Variants in CTIF observed in about 807,000 individuals in gnomAD.
CTIF encodes cap binding complex dependent translation initiation factor, also known as CBP80/20-dependent translation initiation factor.
In CTIF, 21 loss-of-function variants were observed where a neutral mutation model predicts 66.0. That is an observed-to-expected ratio of 0.32 (90% confidence interval 0.23 to 0.46). CTIF has a LOEUF of 0.46. CTIF is among the 20% of genes least tolerant of loss of function. CTIF has a pLI of 1.00. For synonymous variants in CTIF, 345 were observed against 326.4 expected, an observed-to-expected ratio of 1.06 and a Z score of -0.62; for missense variants, 739 against 812.7, an observed-to-expected ratio of 0.91 and a Z score of 1.10.
intron 6 of CTIF, among the ~76,000 whole-genome samples, chr18:48,684,123 A>T (rs577263853): frequency 3.3e-5 from 5 of 152,196 alleles, no homozygotes. Flanking sequence ...TGATTAGATC[A>T]TTCATCTCCA....
At chr18:48,854,311 G>T (rs1375353015) in intron 10 of CTIF, among the ~76,000 whole-genome samples, 2 of 152,180 alleles carry the variant, frequency 1.3e-5, no homozygotes, top group African/African-American at 4.8e-5. Flanking sequence ...TTAAAGGATG[G>T]AGAGAGGATG....
intron 1 of CTIF, among the ~76,000 whole-genome samples, chr18:48,550,738 C>T (rs890092940): frequency 6.6e-6 from 1 of 152,184 alleles, no homozygotes; most frequent in African/African-American, 2.4e-5. Flanking sequence ...ATCATGAGCA[C>T]CTTGCTACTG....
intron 1 of CTIF, among the ~76,000 whole-genome samples, chr18:48,570,734 A>G (rs1374002307): frequency 6.6e-6 from 1 of 152,168 alleles, no homozygotes; most frequent in Non-Finnish European, 1.5e-5. Context: ...GGAACTTTAT[A>G]TGCAGAGGCC....
chr18:48,575,368 G>A lies in CTIF; in HGVS notation c.-29+36056G>A, dbSNP rs542043262. ...TTCAACCCACTGGGATCCAGACCCCGTGCCTTTTTCCCACAAAGCTGGCCA... is the reference window on the plus strand; with the variant it reads ...TTCAACCCACTGGGATCCAGACCCCATGCCTTTTTCCCACAAAGCTGGCCA... On this transcript the variant is annotated intron_variant, in intron 1 of 11. Coordinates refer to ENST00000256413, the MANE Select transcript of CTIF (RefSeq NM_014772.3). Among the ~76,000 whole-genome samples, 19 of 152,312 alleles carry A rather than the reference G, an allele frequency of 1.2e-4. No individual in the cohort carries two copies. In the South Asian group the frequency reaches 2.9e-3, roughly 23 times the overall value.
intron 9 of CTIF, among the ~76,000 whole-genome samples, chr18:48,763,233 T>A (rs1453015445): frequency 6.6e-6 from 1 of 152,220 alleles, no homozygotes; most frequent in Non-Finnish European, 1.5e-5. Flanking sequence ...TAGACAGTGG[T>A]TGCCAGCTCC....
chr18:48,758,537 G>T, intron 8 of CTIF, 132 bp downstream of exon 8: 4 of 1,175,484 alleles, frequency 3.4e-6, no homozygotes, highest in Non-Finnish European at 4.8e-6. Flanking sequence ...GGGAAGCAGG[G>T]GCTTCGGTCA....
Position 48,623,442 on chromosome 18 carries a change from A to G in CTIF, c.180+3697A>G, listed in dbSNP as rs35016942. On this transcript the variant is annotated intron_variant, in intron 2 of 11. Coordinates refer to ENST00000256413, the MANE Select transcript of CTIF (RefSeq NM_014772.3). ...GGGACGGCTGTGGCCCACTCTCAGG[A>G]AGGCCAGGGTTAGCTGTGTCTACAT... Among the ~76,000 whole-genome samples the G allele has an allele frequency of 5.1e-3, 782 of 152,244 alleles. 6 individuals carry two copies. Among genetic ancestry groups the G allele is most frequent in the South Asian group, 0.028 (135 of 4,822 alleles).
At chr18:48,560,723 A>G (rs1010454075) in intron 1 of CTIF, among the ~76,000 whole-genome samples, 2 of 151,586 alleles carry the variant, frequency 1.3e-5, no homozygotes, top group African/African-American at 4.9e-5. Context: ...GGCTCACACC[A>G]CTGTACCCCA....
chr18:48,656,785 C>A (rs1177095587), intron 3 of CTIF, among the ~76,000 whole-genome samples: 3 of 152,180 alleles, frequency 2.0e-5, no homozygotes, highest in African/African-American at 7.2e-5. Context: ...CTTCTCAGAA[C>A]CTTGGCATTT....
At chr18:48,794,485 G>T (rs898350795) in intron 9 of CTIF, among the ~76,000 whole-genome samples, 2 of 152,188 alleles carry the variant, frequency 1.3e-5, no homozygotes, top group Non-Finnish European at 2.9e-5. Context: ...CGGGGGAGGG[G>T]TTGCTGGGCT....
intron 1 of CTIF, among the ~76,000 whole-genome samples, chr18:48,557,995 T>G (rs1172664039): frequency 6.6e-6 from 1 of 152,282 alleles, no homozygotes; most frequent in Non-Finnish European, 1.5e-5. Context: ...ATGTAAATTT[T>G]GGGAGGACAT....
At chr18:48,703,421 C>A (rs1481062641) in intron 6 of CTIF, among the ~76,000 whole-genome samples, 11 of 152,176 alleles carry the variant, frequency 7.2e-5, no homozygotes, top group Non-Finnish European at 5.9e-5. Context: ...CACTGCACGG[C>A]TGCACCACTT....
chr18:48,565,346 T>C (rs1372286063), intron 1 of CTIF: 1 of 152,182 alleles, frequency 6.6e-6, no homozygotes, highest in African/African-American at 2.4e-5. Context: ...GAGAAATCGC[T>C]GGTGTGCTGT....
At position 48,758,136 on chromosome 18, in the gene CTIF, C is replaced by T; in HGVS notation, c.802C>T (p.His268Tyr). 2 of 1,614,078 alleles carry T rather than the reference C, an allele frequency of 1.2e-6. No individual in the cohort carries two copies. The highest frequency in any genetic ancestry group is 1.7e-6 in the Non-Finnish European group (2 of 1,180,018). ...PPGDKGEAGA[H>Y]RNAKETMTIE... is the part of the protein sequence containing the mutation. The stretch of plus-strand genomic sequence containing the variant: ...AGGCGACAAGGGGGAGGCAGGCGCA[C>T]ACCGCAATGCCAAAGAGACCATGAC... The change falls in exon 8 of 12, where the codon CAC becomes TAC. Residue 268 changes from histidine (H) to tyrosine (Y), a missense_variant. By Grantham distance (83) the His-to-Tyr change is moderately conservative. Around this residue, in one of 2 missense-constraint regions of CTIF, gnomAD observed 529 missense variants for 520.3 expected, o/e 1.02. Transcript: ENST00000256413.
chr18:48,814,738 C>A (rs1423604864), intron 9 of CTIF, among the ~76,000 whole-genome samples: 1 of 152,150 alleles, frequency 6.6e-6, no homozygotes, highest in Non-Finnish European at 1.5e-5. Context: ...CAGCTAGGAC[C>A]CCCTGTGAAC....
At chr18:48,554,955 A>G (rs933330725) in intron 1 of CTIF, among the ~76,000 whole-genome samples, 1 of 151,984 alleles carries the variant, frequency 6.6e-6, no homozygotes, top group Non-Finnish European at 1.5e-5. Context: ...CAGAACGCAT[A>G]TCCCATTCTC....
chr18:48,637,567 G>T (rs2090847167), intron 3 of CTIF, among the ~76,000 whole-genome samples: 1 of 152,172 alleles, frequency 6.6e-6, no homozygotes, highest in Non-Finnish European at 1.5e-5. Flanking sequence ...GCTTGCTCAT[G>T]TTCAGCTTCA....
chr18:48,574,499 T>C (rs2089487361), intron 1 of CTIF, among the ~76,000 whole-genome samples: 1 of 152,054 alleles, frequency 6.6e-6, no homozygotes, highest in Non-Finnish European at 1.5e-5. Context: ...GGGTAGAGAG[T>C]GGGCTGGGAA....
intron 9 of CTIF, among the ~76,000 whole-genome samples, chr18:48,776,690 A>AAGT (rs1378523665): frequency 2.6e-5 from 4 of 152,246 alleles, no homozygotes; most frequent in Non-Finnish European, 4.4e-5. Flanking sequence ...TGCCTCGCAC[A>AAGT]GCCCCTCAAG....
Sources: gnomAD v4.1 joint callset for allele counts (sites outside exome capture counted in the v4.1 genomes callset) on GRCh38, gnomAD v4.1.1 for gene constraint, gnomAD v4.1.1 regional missense constraint, MANE v1.5 for transcripts, NCBI Gene and HGNC (gene_info 2026-07-23, HGNC 2026-07-21) for gene names.